The following BMPR1B variants were observed in gnomAD, a reference collection of about 807,000 sequenced individuals.
The protein encoded by BMPR1B is bone morphogenetic protein receptor type 1B, also known as bone morphogenetic protein receptor type-1B.
A neutral mutation model predicts 59.1 loss-of-function variants in BMPR1B; 12 were observed. The ratio of observed to expected loss-of-function variants is 0.20; its 90% CI spans 0.13 to 0.33. The LOEUF is 0.33. Ranked by LOEUF, BMPR1B falls within the 10% of genes least tolerant of loss-of-function variation. The pLI is 1.00. For missense variants in BMPR1B, 550 were observed against 610.9 expected, an observed-to-expected ratio of 0.90 and a Z score of 1.05; for synonymous variants, 237 against 207.3, an observed-to-expected ratio of 1.14 and a Z score of -1.23.
intron 3 of BMPR1B, among the ~76,000 whole-genome samples, chr4:95,000,430 C>A (rs1248582930): frequency 6.6e-6 from 1 of 151,760 alleles, no homozygotes; most frequent in Non-Finnish European, 1.5e-5. Context: ...TGCTTGAATC[C>A]AGGAGGCGGA....
chr4:94,842,378 T>A (rs1040522590), intron 1 of BMPR1B, among the ~76,000 whole-genome samples: 1 of 152,146 alleles, frequency 6.6e-6, no homozygotes, highest in African/African-American at 2.4e-5. Flanking sequence ...AGTAGAACAC[T>A]GAAAACTATT....
chr4:94,996,237 T>C (rs1442943394), intron 3 of BMPR1B, 103 bp downstream of exon 3: 1 of 152,242 alleles, frequency 6.6e-6, no homozygotes, highest in Non-Finnish European at 1.5e-5. Context: ...TCAAAGCTAA[T>C]GAGGAGGGCT....
At chr4:94,832,868 A>T (rs1054900052) in intron 1 of BMPR1B, among the ~76,000 whole-genome samples, 2 of 152,044 alleles carry the variant, frequency 1.3e-5, no homozygotes, top group African/African-American at 2.4e-5. Context: ...AGAAATCCCA[A>T]CTCTGCACTT....
intron 1 of BMPR1B, among the ~76,000 whole-genome samples, chr4:94,771,094 G>A (rs1722169885): frequency 6.6e-6 from 1 of 152,156 alleles, no homozygotes; most frequent in Non-Finnish European, 1.5e-5. Context: ...TGGTTGAAAT[G>A]CAAGTACATA....
chr4:95,137,073 C>G (rs916684702), intron 10 of BMPR1B, among the ~76,000 whole-genome samples: 12 of 152,178 alleles, frequency 7.9e-5, no homozygotes, highest in African/African-American at 2.9e-4. Flanking sequence ...CTTCTACACA[C>G]TGCTTTAAAT....
At chr4:94,943,657 T>C (rs1033774355) in intron 2 of BMPR1B, among the ~76,000 whole-genome samples, 10 of 152,174 alleles carry the variant, frequency 6.6e-5, no homozygotes, top group African/African-American at 2.2e-4. Flanking sequence ...AGAAATATTA[T>C]TGTAGGAAAG....
chr4:94,889,918 A>T (rs1280345358), intron 2 of BMPR1B, among the ~76,000 whole-genome samples: 2 of 152,004 alleles, frequency 1.3e-5, no homozygotes, highest in Non-Finnish European at 2.9e-5. Flanking sequence ...CTCTTTAATC[A>T]TAGTCACATG....
chr4:95,094,857 G>C (rs187832152), intron 3 of BMPR1B, among the ~76,000 whole-genome samples: 109 of 152,152 alleles, frequency 7.2e-4, no homozygotes, highest in African/African-American at 2.5e-3. Context: ...TCTGATTTCT[G>C]TCTGTTGAAG....
chr4:95,120,496 G>A (rs1013797337), intron 6 of BMPR1B, among the ~76,000 whole-genome samples: 3 of 152,050 alleles, frequency 2.0e-5, no homozygotes, highest in Non-Finnish European at 4.4e-5. Flanking sequence ...TGGTATGATC[G>A]TATACTTAGA....
chr4:95,089,818 A>C (rs191165019), intron 3 of BMPR1B, among the ~76,000 whole-genome samples: 306 of 152,252 alleles, frequency 2.0e-3, no homozygotes, highest in African/African-American at 7.0e-3. Context: ...ATTTCAGCCT[A>C]TTAAGTATAA....
intron 2 of BMPR1B, among the ~76,000 whole-genome samples, chr4:94,973,978 A>G (rs1560574710): frequency 6.6e-6 from 1 of 152,212 alleles, no homozygotes; most frequent in Non-Finnish European, 1.5e-5. Context: ...CCAGTCATAT[A>G]TCCAGATTGC....
At chr4:94,909,205 A>C (rs1217761570) in intron 2 of BMPR1B, among the ~76,000 whole-genome samples, 1 of 152,062 alleles carries the variant, frequency 6.6e-6, no homozygotes, top group Non-Finnish European at 1.5e-5. Context: ...ATCTTAATGA[A>C]TTAAGTCTGG....
rs775893590 is a variant in BMPR1B at position 95,114,860 on chromosome 4, C to G, written c.246+38C>G. 3 of 1,526,064 alleles carry G rather than the reference C, an allele frequency of 2.0e-6. No individual in the cohort carries two copies. In the Admixed American group the frequency reaches 5.0e-5, roughly 26 times the overall value. The allele number at this position is 1,526,064 out of a possible 1,614,324, so 94.5% of individuals were successfully genotyped here. On this transcript the variant is annotated intron_variant, in intron 5 of 12. Coordinates refer to ENST00000515059, the MANE Select transcript of BMPR1B (RefSeq NM_001203.3). ...ACTTGATTCTGTAACCTTTCATTGG[C>G]TAGATTTCCAACAAGTTTCAAGCAA... is the stretch of plus-strand genomic sequence containing the variant.
chr4:95,070,165 A>T (rs1414516935), intron 3 of BMPR1B, among the ~76,000 whole-genome samples: 1 of 152,190 alleles, frequency 6.6e-6, no homozygotes, highest in Non-Finnish European at 1.5e-5. Context: ...CTGTGGTGTA[A>T]AGAAGGCTAA....
At chr4:94,976,112 A>G (rs1043934584) in intron 2 of BMPR1B, among the ~76,000 whole-genome samples, 15 of 152,172 alleles carry the variant, frequency 9.9e-5, no homozygotes, top group African/African-American at 2.9e-4. Context: ...CTAGTCAGAC[A>G]CTTCTCACTT....
chr4:94,773,359 CAAAAG>C (rs1722254692), intron 1 of BMPR1B, among the ~76,000 whole-genome samples: 1 of 151,980 alleles, frequency 6.6e-6, no homozygotes, highest in African/African-American at 2.4e-5. Context: ...ATTTCAGAGA[CAAAAG>C]AGAATGTTTG....
intron 2 of BMPR1B, among the ~76,000 whole-genome samples, chr4:94,967,684 G>A (rs1578860883): frequency 2.0e-5 from 3 of 151,814 alleles, no homozygotes; most frequent in South Asian, 4.2e-4. Context: ...GGGTTTCACC[G>A]TGTTGACCAG....
chr4:95,075,853 T>C (rs538685548), intron 3 of BMPR1B, among the ~76,000 whole-genome samples: 2 of 152,284 alleles, frequency 1.3e-5, no homozygotes, highest in African/African-American at 4.8e-5. Context: ...TCCATAGCTT[T>C]CTTTCCCCTT....
chr4:94,853,136 G>A (rs916635111), intron 1 of BMPR1B, among the ~76,000 whole-genome samples: 1 of 152,066 alleles, frequency 6.6e-6, no homozygotes, highest in African/African-American at 2.4e-5. Context: ...ATTCGAAATT[G>A]TATGTGTTTA....
Sources: allele counts gnomAD v4.1 joint callset (sites outside exome capture counted in the v4.1 genomes callset), GRCh38; gene constraint gnomAD v4.1.1; transcripts MANE v1.5; gene names NCBI Gene and HGNC (gene_info 2026-07-23, HGNC 2026-07-21).